PPFIA3: variants seen among roughly 807,000 people sequenced by gnomAD.
PPFIA3 encodes the protein PPFI scaffold protein A3, also known as liprin-alpha-3.
In PPFIA3, 26 loss-of-function variants were observed where a neutral mutation model predicts 145.8. The ratio of observed to expected loss-of-function variants is 0.18; its 90% CI spans 0.13 to 0.25. The LOEUF (loss-of-function observed/expected upper bound fraction) is 0.25, where lower values mean the gene tolerates loss of function less well. PPFIA3 is among the 10% of genes least tolerant of loss of function. PPFIA3 has a pLI of 1.00. For synonymous variants in PPFIA3, 645 were observed against 661.4 expected (o/e 0.98, Z 0.38); for missense variants, 1,008 against 1,587.8 (o/e 0.63, Z 6.21).
chr19:49,123,967 A>G (rs2040967134), intron 1 of PPFIA3, among the ~76,000 whole-genome samples: 1 of 151,922 alleles, frequency 6.6e-6, no homozygotes, highest in African/African-American at 2.4e-5. Context: ...CAGCCTAGAA[A>G]TGTCCTTATT....
chr19:49,124,301 C>T (rs770638429), intron 1 of PPFIA3, among the ~76,000 whole-genome samples: 1 of 152,060 alleles, frequency 6.6e-6, no homozygotes, highest in Non-Finnish European at 1.5e-5. Context: ...TCGAGTGATC[C>T]TCCCACCTTG....
chr19:49,147,684 GAA>G (rs1382842057), intron 23 of PPFIA3, among the ~76,000 whole-genome samples: 2 of 62,452 alleles, frequency 3.2e-5, no homozygotes, highest in Non-Finnish European at 6.4e-5. Context: ...GACTCTTTCA[GAA>G]AGAGAGAGAG....
Position 49,128,111 on chromosome 19 carries a change from C to A in PPFIA3, c.238C>A (p.Gln80Lys). ...GCGCCAGCTCAGCATCGCGCTGCCC[C>A]AGGTCTGGGCGGGACAGGGGCGGGG... ...LQRQLSIALP[Q>K]EFAALTKELN... Residue 80 changes from glutamine to lysine, a missense_variant and splice_region_variant, in exon 2 of 30, where the codon CAG becomes AAG. Physicochemically the swap from Gln to Lys is moderately conservative, Grantham distance 53 (BLOSUM62 1). Coordinates refer to ENST00000334186, the MANE Select transcript of PPFIA3 (RefSeq NM_003660.4). This position sits in a 1 kb window ranked among gnomAD's most constrained non-coding sequence, Gnocchi z 4.1. The A allele has an allele frequency of 6.5e-7, 1 of 1,544,446 alleles. No homozygotes were observed. The highest frequency in any genetic ancestry group is 1.2e-5 in the South Asian group (1 of 85,162).
chr19:49,143,614 C>T (rs949230906), intron 21 of PPFIA3, among the ~76,000 whole-genome samples: 6 of 152,156 alleles, frequency 3.9e-5, no homozygotes, highest in African/African-American at 1.4e-4. Flanking sequence ...CTCAGGTGAT[C>T]CGCCCGCCTC....
At position 49,132,009 on chromosome 19, in the gene PPFIA3, C is replaced by CAAAA. The variant is rs34793375; in HGVS notation, c.880-974_880-971dup. Among the ~76,000 whole-genome samples the CAAAA allele has an allele frequency of 4.9e-4, 34 of 69,860 alleles. 1 individual carries two copies. Among genetic ancestry groups the CAAAA allele is most frequent in the Admixed American group, 1.3e-3 (8 of 6,290 alleles). 45.8% of individuals were successfully genotyped at this position (69,860 alleles called of 152,430 possible). A position where few individuals can be genotyped will look rare whatever the true frequency, so the allele number is the denominator to read the frequency against. Reference sequence around the variant, plus strand: ...CGGGCAACAGAGCGAGACTCCGTCTCAAAAAAAAAAAAAAAAAAAAAGTTG... The same window carrying CAAAA: ...CGGGCAACAGAGCGAGACTCCGTCTCAAAAAAAAAAAAAAAAAAAAAAAAAGTTG... On this transcript the variant is annotated intron_variant, in intron 7 of 29. Coordinates refer to ENST00000334186, the MANE Select transcript of PPFIA3 (RefSeq NM_003660.4).
chr19:49,127,295 T>C (rs771917123), intron 1 of PPFIA3, among the ~76,000 whole-genome samples: 67 of 145,888 alleles, frequency 4.6e-4, no homozygotes, highest in Admixed American at 2.0e-3. Flanking sequence ...GGGAGGAGAA[T>C]TGCTTGAACC....
chr19:49,138,026 C>T (rs2041162439), intron 15 of PPFIA3, among the ~76,000 whole-genome samples, 179 bp from the exon 16 acceptor site: 1 of 152,158 alleles, frequency 6.6e-6, no homozygotes, highest in Admixed American at 6.5e-5. Flanking sequence ...CTCAGGACCC[C>T]TTGACTCTCC....
At chr19:49,142,750 T>C in intron 20 of PPFIA3, 54 bp from the exon 21 acceptor site, 1 of 1,304,338 alleles carries the variant, frequency 7.7e-7, no homozygotes, top group Non-Finnish European at 1.1e-6. Flanking sequence ...ATCTCTCCGA[T>C]TTTCTCCTCC....
rs2041028202 is a variant in PPFIA3, at chr19:49,128,283, AC to A, written c.241-82del. On this transcript the variant is annotated intron_variant, in intron 2 of 29. Transcript: ENST00000334186. The surrounding 1 kb of genome is among the most constrained non-coding windows in gnomAD (Gnocchi z 4.1). ...AGCGGGACTTAGCAGGGAGGGCGGG[AC>A]CTTCAAACTTCCAGTCCCAGTGAAT... The A allele has an allele frequency of 2.0e-6, 3 of 1,537,700 alleles. No individual in the cohort carries two copies. The highest frequency in any genetic ancestry group is 2.7e-6 in the Non-Finnish European group (3 of 1,112,794).
chr19:49,150,005 T>C, intron 28 of PPFIA3, 75 bp from the exon 29 acceptor site: 1 of 1,500,892 alleles, frequency 6.7e-7, no homozygotes, highest in South Asian at 1.2e-5. Context: ...GGAAGGGAAG[T>C]CCAAAGGGAG....
At position 49,148,118 on chromosome 19, in the gene PPFIA3, G is replaced by T; in HGVS notation, c.2871G>T (p.Val957=). Residue 957 remains valine, a synonymous_variant, in exon 24 of 30, where the codon GTG becomes GTT. Transcript: ENST00000334186. ...LAYGDMNHEW[V]GNDWLPSLGL... ...ATGGCGACATGAACCACGAGTGGGTGGGGAACGACTGGCTGCCCAGCCTGG... is the reference window on the plus strand; with the variant it reads ...ATGGCGACATGAACCACGAGTGGGTTGGGAACGACTGGCTGCCCAGCCTGG... 1 of 1,613,974 alleles carries T rather than the reference G, an allele frequency of 6.2e-7. No individual in the cohort carries two copies. The highest frequency in any genetic ancestry group is 8.5e-7 in the Non-Finnish European group (1 of 1,179,910).
chr19:49,146,990 G>A (rs925312708), intron 23 of PPFIA3, among the ~76,000 whole-genome samples: 11 of 152,148 alleles, frequency 7.2e-5, no homozygotes, highest in African/African-American at 2.7e-4. Flanking sequence ...ACTGTCCACG[G>A]AGGAATTATG....
intron 21 of PPFIA3, among the ~76,000 whole-genome samples, chr19:49,144,873 C>CT (rs2041262992): frequency 6.6e-6 from 1 of 151,810 alleles, no homozygotes; most frequent in South Asian, 2.1e-4. Context: ...ACACCACATC[C>CT]TTTATCACAC....
intron 16 of PPFIA3, 46 bp downstream of exon 16, chr19:49,138,473 G>C: frequency 2.1e-6 from 3 of 1,429,352 alleles, no homozygotes; most frequent in Non-Finnish European, 2.8e-6. Context: ...GATGGGGAGA[G>C]GTCAGAGGCA....
At position 49,129,514 on chromosome 19, in the gene PPFIA3, A is replaced by G. The variant is rs561375096; in HGVS notation, c.582+60A>G. 2.3e-5 allele frequency: 35 copies of G among 1,527,454 alleles called. No individual in the cohort carries two copies. The African/African-American group carries it at 4.3e-4, about 19-fold the overall frequency. 94.6% of individuals were successfully genotyped at this position (1,527,454 alleles called of 1,614,324 possible). A position where few individuals can be genotyped will look rare whatever the true frequency, so the allele number is the denominator to read the frequency against. On this transcript the variant is annotated intron_variant, in intron 5 of 29. Coordinates refer to ENST00000334186, the MANE Select transcript of PPFIA3 (RefSeq NM_003660.4). ...AAGGGGAGGGGCTAAGGGGCTGCCC[A>G]CGGGGCGGAGCCGGTTGGGTGGGTT...
intron 1 of PPFIA3, among the ~76,000 whole-genome samples, chr19:49,125,200 C>T (rs1352798721): frequency 2.0e-5 from 3 of 152,218 alleles, no homozygotes; most frequent in South Asian, 2.1e-4. Flanking sequence ...CTTCAAACAC[C>T]CAAGGGGACA....
chr19:49,135,428 A>G (rs2041126612), intron 13 of PPFIA3, among the ~76,000 whole-genome samples: 1 of 152,050 alleles, frequency 6.6e-6, no homozygotes, highest in South Asian at 2.1e-4. Context: ...GCTAGAGTGC[A>G]GTGGCATGAT....
In PPFIA3 at chr19:49,148,278, T is replaced by C; in HGVS notation, c.3011+20T>C. The C allele has an allele frequency of 6.2e-7, 1 of 1,609,696 alleles. No individual in the cohort carries two copies. The highest frequency in any genetic ancestry group is 8.5e-7 in the Non-Finnish European group (1 of 1,177,522). On this transcript the variant is annotated intron_variant, in intron 24 of 29. Transcript: ENST00000334186. ...TCACAGGTGGGGGCTGCCTGGCCAG[T>C]GGGGACAGTCCAAAGGGAAGCCCCA... is the stretch of plus-strand genomic sequence containing the variant.
chr19:49,136,512 C>T (rs2041138768), intron 14 of PPFIA3, among the ~76,000 whole-genome samples: 1 of 152,138 alleles, frequency 6.6e-6, no homozygotes, highest in African/African-American at 2.4e-5. Flanking sequence ...TCGTTCGAAC[C>T]TGGGAGGCGT....
Sources: gnomAD v4.1 joint callset for allele counts (sites outside exome capture counted in the v4.1 genomes callset) on GRCh38, gnomAD v4.1.1 for gene constraint, Gnocchi (gnomAD v3.1) non-coding constraint, MANE v1.5 for transcripts, NCBI Gene and HGNC (gene_info 2026-07-23, HGNC 2026-07-21) for gene names.